PCDHA3: variants seen among roughly 807,000 people sequenced by gnomAD.
PCDHA3 encodes the protein protocadherin alpha 3.
In PCDHA3, 41 loss-of-function variants were observed where a neutral mutation model predicts 62.2. The ratio of observed to expected loss-of-function variants is 0.66; its 90% confidence interval spans 0.51 to 0.86. The LOEUF is 0.86. PCDHA3 is among the 40% of genes least tolerant of loss of function. The pLI, the probability that PCDHA3 is intolerant of heterozygous loss-of-function variation, is 0.00. For missense variants in PCDHA3, 1,304 were observed against 1,241.2 expected, an observed-to-expected ratio of 1.05 and a Z score of -0.76; for synonymous variants, 640 against 555.4, an observed-to-expected ratio of 1.15 and a Z score of -2.14.
At chr5:140,863,561 A>G (rs1581693390) in intron 1 of PCDHA3, 1 of 376,820 alleles carries the variant, frequency 2.7e-6, no homozygotes. Flanking sequence ...GAAATTTTTG[A>G]GAATATAAGT....
chr5:140,929,327 T>A (rs782155915), intron 1 of PCDHA3: 1 of 1,536,752 alleles, frequency 6.5e-7, no homozygotes, highest in Admixed American at 2.1e-5. Context: ...AATGCCATGG[T>A]AAGCAAATTT....
chr5:140,973,639 T>C (rs1563426866), intron 1 of PCDHA3, among the ~76,000 whole-genome samples: 2 of 152,362 alleles, frequency 1.3e-5, no homozygotes, highest in East Asian at 3.9e-4. Context: ...GTACACATTC[T>C]GACTGAAGAA....
intron 1 of PCDHA3, chr5:140,836,420 G>A: frequency 6.2e-7 from 1 of 1,613,810 alleles, no homozygotes. Context: ...CAAAGGCGTC[G>A]TCGCGGGCAT....
At chr5:140,957,194 G>A (rs2095341106) in intron 1 of PCDHA3, among the ~76,000 whole-genome samples, 1 of 152,012 alleles carries the variant, frequency 6.6e-6, no homozygotes, top group Non-Finnish European at 1.5e-5. Context: ...TGACCGATTG[G>A]GAATATAAAT....
chr5:140,807,723 C>T (rs369564705), intron 1 of PCDHA3: 1 of 1,614,192 alleles, frequency 6.2e-7, no homozygotes, highest in Non-Finnish European at 8.5e-7. Flanking sequence ...GAATACTTTT[C>T]TCTGGAAAAA....
At chr5:140,921,621 A>G (rs1274986378) in intron 1 of PCDHA3, among the ~76,000 whole-genome samples, 1 of 152,222 alleles carries the variant, frequency 6.6e-6, no homozygotes, top group African/African-American at 2.4e-5. Context: ...ATATCATCAG[A>G]TCATCATTAT....
intron 3 of PCDHA3, among the ~76,000 whole-genome samples, chr5:141,002,135 G>C (rs1265359430): frequency 2.6e-5 from 4 of 152,236 alleles, no homozygotes; most frequent in Admixed American, 2.6e-4. Flanking sequence ...AGCCTTTGCC[G>C]GCTGCACTGA....
chr5:140,817,033 C>A (rs1483368606), intron 1 of PCDHA3: 2 of 152,134 alleles, frequency 1.3e-5, no homozygotes, highest in Admixed American at 1.3e-4. Context: ...AGAGAGAGTG[C>A]TGAGCTGAGT....
At chr5:140,985,532 G>T (rs1358120172) in intron 3 of PCDHA3, among the ~76,000 whole-genome samples, 1 of 152,072 alleles carries the variant, frequency 6.6e-6, no homozygotes, top group Non-Finnish European at 1.5e-5. Context: ...AAAGCTTCAC[G>T]GTGAAGATGC....
At chr5:140,856,508 G>A (rs2044043194) in intron 1 of PCDHA3, 6 of 1,598,282 alleles carry the variant, frequency 3.8e-6, no homozygotes, top group Non-Finnish European at 5.1e-6. Context: ...ATTTCCACTA[G>A]AAGGCGCATC....
At chr5:140,949,219 C>T (rs543953096) in intron 1 of PCDHA3, among the ~76,000 whole-genome samples, 3 of 151,842 alleles carry the variant, frequency 2.0e-5, no homozygotes, top group African/African-American at 7.2e-5. Flanking sequence ...TCTGTTTAGA[C>T]TTGTTCTGTG....
At chr5:140,882,944 G>A (rs2059374287) in intron 1 of PCDHA3, 2 of 1,614,088 alleles carry the variant, frequency 1.2e-6, no homozygotes, top group Non-Finnish European at 8.5e-7. Flanking sequence ...GACTGGCACA[G>A]TTCAGCTGCT....
intron 1 of PCDHA3, chr5:140,967,239 G>A: frequency 1.9e-6 from 3 of 1,613,672 alleles, no homozygotes; most frequent in Non-Finnish European, 2.5e-6. Context: ...CTTCAGGTAA[G>A]CGAATCGGTG....
Position 140,870,763 on chromosome 5 carries a change from G to C in PCDHA3, c.2394+67172G>C, listed in dbSNP as rs1386684596. The stretch of plus-strand genomic sequence containing the variant: ...CAGCAACGTGACGCTGCAGGTGTTC[G>C]TGCTGGACGAGAACGACAACGCGCC... On this transcript the variant is annotated intron_variant, in intron 1 of 3. Transcript: ENST00000522353. 1.1e-5 allele frequency: 18 copies of C among 1,613,434 alleles called. No individual in the cohort carries two copies. Among genetic ancestry groups the C allele is most frequent in the Admixed American group, 3.3e-5 (2 of 60,004 alleles).
chr5:140,908,430 C>T (rs543426512), intron 1 of PCDHA3, among the ~76,000 whole-genome samples: 56 of 152,262 alleles, frequency 3.7e-4, no homozygotes, highest in Admixed American at 7.2e-4. Flanking sequence ...TGCTGCTGTG[C>T]GCACCCCACT....
At chr5:140,958,530 A>G (rs1283308982) in intron 1 of PCDHA3, among the ~76,000 whole-genome samples, 1 of 152,188 alleles carries the variant, frequency 6.6e-6, no homozygotes, top group East Asian at 1.9e-4. Flanking sequence ...TACTATGTGT[A>G]CATTGATTTA....
At chr5:140,841,906 A>G in intron 1 of PCDHA3, 1 of 1,613,880 alleles carries the variant, frequency 6.2e-7, no homozygotes, top group Non-Finnish European at 8.5e-7. Context: ...TTGAGCTCGT[A>G]TTAAGAAAAT....
intron 1 of PCDHA3, chr5:140,869,787 G>A (rs1554163463): frequency 3.1e-6 from 5 of 1,612,888 alleles, no homozygotes; most frequent in Middle Eastern, 1.6e-4. Flanking sequence ...CCGTTCGGCT[G>A]TTAGTCCAAG....
intron 1 of PCDHA3, chr5:140,864,423 CACAA>C (rs1165677153): frequency 1.8e-4 from 27 of 152,176 alleles, no homozygotes; most frequent in Non-Finnish European, 3.4e-4. Flanking sequence ...CAGCTTCGTC[CACAA>C]ACAATTTTGT....
Sources: gnomAD v4.1 joint callset for allele counts (sites outside exome capture counted in the v4.1 genomes callset) on GRCh38, gnomAD v4.1.1 for gene constraint, MANE v1.5 for transcripts, NCBI Gene and HGNC (gene_info 2026-07-23, HGNC 2026-07-21) for gene names.